Variants in CLUAP1 observed in about 807,000 individuals in gnomAD.
CLUAP1 encodes clusterin-associated protein 1.
A neutral mutation model predicts 55.0 loss-of-function variants in CLUAP1; 50 were observed. The observed-to-expected ratio is 0.91, with a 90% CI of 0.72 to 1.15. CLUAP1 has a LOEUF of 1.15. Ranked by LOEUF, CLUAP1 falls within the 50% of genes most tolerant of loss-of-function variation. The pLI, the probability that CLUAP1 is intolerant of heterozygous loss-of-function variation, is 0.00. For synonymous variants in CLUAP1, 195 were observed against 175.4 expected (o/e 1.11, Z -0.88); for missense variants, 530 against 507.6 (o/e 1.04, Z -0.42).
At chr16:3,517,355 G>T (rs1316295621) in intron 6 of CLUAP1, among the ~76,000 whole-genome samples, 3 of 152,100 alleles carry the variant, frequency 2.0e-5, no homozygotes, top group African/African-American at 4.8e-5. Flanking sequence ...CACCCAGGCT[G>T]AAGTGCAGTA....
chr16:3,516,045 C>T (rs780202559), intron 6 of CLUAP1, among the ~76,000 whole-genome samples: 6 of 152,172 alleles, frequency 3.9e-5, no homozygotes, highest in Non-Finnish European at 8.8e-5. Flanking sequence ...GAGGGTGACT[C>T]TAGACTCAGA....
chr16:3,520,063 T>A, intron 7 of CLUAP1, 27 bp downstream of exon 7: 1 of 1,581,562 alleles, frequency 6.3e-7, no homozygotes, highest in Non-Finnish European at 8.6e-7. Flanking sequence ...GGAGAATGAG[T>A]AGAAAGATGT....
intron 8 of CLUAP1, among the ~76,000 whole-genome samples, chr16:3,523,781 A>G (rs1160607033): frequency 2.0e-5 from 3 of 152,152 alleles, no homozygotes; most frequent in Non-Finnish European, 4.4e-5. Flanking sequence ...CCTGGCCAAC[A>G]TGGTGAAACC....
At chr16:3,523,392 A>C (rs2037877893) in intron 8 of CLUAP1, 93 bp downstream of exon 8, 2 of 1,396,016 alleles carry the variant, frequency 1.4e-6, no homozygotes, top group Middle Eastern at 1.9e-4. Context: ...TTGTGAAAAA[A>C]ATATCAGTAC....
rs2037714349 is a variant in CLUAP1, at chr16:3,515,571, A to G, written c.559A>G (p.Ile187Val). 1 of 1,596,358 alleles carries G rather than the reference A, an allele frequency of 6.3e-7. No homozygotes were observed. The highest frequency in any genetic ancestry group is 1.1e-5 in the South Asian group (1 of 87,574). The change falls in exon 6 of 12, where the codon ATT (isoleucine) becomes GTT (valine). Residue 187 changes from isoleucine (I) to valine (V), a missense_variant. Ile to Val is a conservative substitution (Grantham distance 29). Transcript: ENST00000576634. ...AAACGAGACTGAAAAAGTGATGAGA[A>G]TTGCAATAAAAGAGATTTTGGTAAG... The part of the protein sequence containing the change: ...EINETEKVMR[I>V]AIKEILTQVQ...
upstream of CLUAP1, among the ~76,000 whole-genome samples, chr16:3,500,270 G>A (rs1174683008): frequency 1.3e-5 from 2 of 152,194 alleles, no homozygotes; most frequent in African/African-American, 4.8e-5. Context: ...GCCTCTGGGC[G>A]CCCACAGTGA....
chr16:3,524,425 C>T (rs1421449598), intron 8 of CLUAP1, among the ~76,000 whole-genome samples: 1 of 151,312 alleles, frequency 6.6e-6, no homozygotes, highest in African/African-American at 2.4e-5. Context: ...CATGGTGAAA[C>T]CCCGTCTACT....
chr16:3,511,218 G>C (rs1202040992), intron 4 of CLUAP1, among the ~76,000 whole-genome samples: 6 of 152,210 alleles, frequency 3.9e-5, no homozygotes, highest in African/African-American at 1.4e-4. Flanking sequence ...TTGCTAGTGG[G>C]TTGAAAATGA....
chr16:3,535,901 A>C, intron 11 of CLUAP1: 1 of 558,712 alleles, frequency 1.8e-6, no homozygotes, highest in Non-Finnish European at 3.2e-6. Flanking sequence ...CCACACCCAG[A>C]TGCACCTGCA....
chr16:3,505,391 G>A (rs561930742), intron 2 of CLUAP1, among the ~76,000 whole-genome samples: 9 of 151,796 alleles, frequency 5.9e-5, no homozygotes, highest in Non-Finnish European at 7.4e-5. Context: ...TTAGCCAGGC[G>A]TGGTGGCGGG....
chr16:3,517,406 G>A (rs1022214083), intron 6 of CLUAP1, among the ~76,000 whole-genome samples: 3 of 151,928 alleles, frequency 2.0e-5, no homozygotes, highest in African/African-American at 4.8e-5. Context: ...TCCTGGGTTC[G>A]AGCAATTCTC....
intron 4 of CLUAP1, chr16:3,509,794 T>A (rs1365204250): frequency 6.6e-6 from 1 of 151,656 alleles, no homozygotes; most frequent in African/African-American, 2.4e-5. Context: ...TGGTCTATAG[T>A]TGGGCTTGAA....
At chr16:3,496,595 C>T, upstream of CLUAP1, 1 of 533,686 alleles carries the variant, frequency 1.9e-6, no homozygotes, top group South Asian at 1.4e-5. Context: ...CCTGGACTCC[C>T]TCAAGGACGG....
In CLUAP1 at chr16:3,537,037, C is replaced by G. The variant is rs960978897; in HGVS notation, c.*766C>G. The G allele has an allele frequency of 6.6e-6, 1 of 152,222 alleles. No homozygotes were observed. The highest frequency in any genetic ancestry group is 1.5e-5 in the Non-Finnish European group (1 of 68,058). The allele number at this position is 152,222 out of a possible 1,614,324, so 9.4% of individuals were successfully genotyped here. Reference sequence around the variant, plus strand: ...AAACTCTGGTGACCTGGGCTGCCCTCTCAGAAACTCCAGACTCCCATGGCA... The same window carrying G: ...AAACTCTGGTGACCTGGGCTGCCCTGTCAGAAACTCCAGACTCCCATGGCA... On this transcript the variant is annotated 3_prime_UTR_variant, in exon 12 of 12. Transcript: ENST00000576634.
At chr16:3,532,594 T>A (rs566668168) in intron 10 of CLUAP1, among the ~76,000 whole-genome samples, 192 bp from the exon 11 acceptor site, 3 of 151,772 alleles carry the variant, frequency 2.0e-5, no homozygotes, top group Non-Finnish European at 4.4e-5. Flanking sequence ...TTTAAAAAAA[T>A]TTCTGTAGAA....
At chr16:3,507,024 G>A (rs1037989468) in intron 3 of CLUAP1, among the ~76,000 whole-genome samples, 2 of 151,608 alleles carry the variant, frequency 1.3e-5, no homozygotes, top group East Asian at 2.0e-4. Context: ...GTGAAACCCC[G>A]TCTCCAGTAA....
chr16:3,504,614 C>G (rs2037467118), intron 1 of CLUAP1, 106 bp from the exon 2 acceptor site: 1 of 710,940 alleles, frequency 1.4e-6, no homozygotes, highest in Non-Finnish European at 2.6e-6. Context: ...GTCCCTAAAG[C>G]TGTCAATAGG....
intron 10 of CLUAP1, among the ~76,000 whole-genome samples, chr16:3,531,109 A>C (rs942324683): frequency 1.3e-5 from 2 of 152,182 alleles, no homozygotes; most frequent in African/African-American, 2.4e-5. Context: ...ATTCCCAGCT[A>C]CTCAGGAGGC....
chr16:3,510,275 T>A (rs141168500), intron 4 of CLUAP1, among the ~76,000 whole-genome samples: 5,150 of 151,718 alleles, frequency 0.034, 246 homozygotes, highest in African/African-American at 0.1. Context: ...ATTACAGGCG[T>A]GAGCCACCGC....
Sources: gnomAD v4.1 joint callset for allele counts (sites outside exome capture counted in the v4.1 genomes callset) on GRCh38, gnomAD v4.1.1 for gene constraint, MANE v1.5 for transcripts, NCBI Gene and HGNC (gene_info 2026-07-23, HGNC 2026-07-21) for gene names.